The following LRRC49 variants were observed in gnomAD, a reference collection of about 807,000 sequenced individuals.
The protein encoded by LRRC49 is leucine rich repeat containing 49.
A neutral mutation model predicts 83.3 loss-of-function variants in LRRC49; 50 were observed. The observed-to-expected ratio is 0.60, with a 90% CI of 0.48 to 0.76. LRRC49 has a LOEUF of 0.76. LRRC49 is among the 30% of genes least tolerant of loss of function. LRRC49 has a pLI of 0.00. For missense variants in LRRC49, 704 were observed against 809.1 expected, an observed-to-expected ratio of 0.87 and a Z score of 1.58; for synonymous variants, 286 against 283.3, an observed-to-expected ratio of 1.01 and a Z score of -0.10.
Position 70,995,280 on chromosome 15 carries a change from A to C in LRRC49, c.1169+11023A>C, listed in dbSNP as rs77392275. On this transcript the variant is annotated intron_variant, in intron 11 of 15. Transcript: ENST00000260382. ...ACTGTAAGTCTAATTAAAGTTGCAA[A>C]TGAGGAGCATATAAAGTAAGAGCAT... Among the ~76,000 whole-genome samples, 198 of 152,348 alleles carry C rather than the reference A, an allele frequency of 1.3e-3. 7 individuals are homozygous for C. In the East Asian group the frequency reaches 0.035, roughly 27 times the overall value.
At chr15:70,865,986 A>G (rs750763870) in intron 1 of LRRC49, among the ~76,000 whole-genome samples, 8 of 152,176 alleles carry the variant, frequency 5.3e-5, no homozygotes, top group Non-Finnish European at 1.0e-4. Flanking sequence ...TGCAATATGC[A>G]TCATATTTTT....
chr15:70,909,879 A>ACACACACACACAC lies in LRRC49; in HGVS notation c.501-1653_501-1652insCACACACACACAC, dbSNP rs765588937. ...ACACACACACACACACACACACACA[A>ACACACACACACAC]AACAAACAAAAAAAGAAAGTTGTAG... On this transcript the variant is annotated intron_variant, in intron 5 of 15. Coordinates refer to ENST00000260382, the MANE Select transcript of LRRC49 (RefSeq NM_017691.5). Among the ~76,000 whole-genome samples, 419 of 76,958 alleles carry ACACACACACACAC rather than the reference A, an allele frequency of 5.4e-3. 1 individual carries two copies. The highest frequency in any genetic ancestry group is 0.025 in the Middle Eastern group (4 of 158). The allele number at this position is 76,958 out of a possible 152,430, so 50.5% of individuals were successfully genotyped here. A position where few individuals can be genotyped will look rare whatever the true frequency, so the allele number is the denominator to read the frequency against.
chr15:70,994,776 CAT>C (rs1224199643), intron 11 of LRRC49, among the ~76,000 whole-genome samples: 1 of 152,120 alleles, frequency 6.6e-6, no homozygotes, highest in East Asian at 1.9e-4. Flanking sequence ...TGCCCAGCCT[CAT>C]GTGAACTTTA....
intron 11 of LRRC49, among the ~76,000 whole-genome samples, chr15:70,985,985 C>A (rs1452878906): frequency 1.3e-5 from 2 of 149,904 alleles, no homozygotes; most frequent in Non-Finnish European, 3.0e-5. Flanking sequence ...TTCCATTGAT[C>A]TATATCTCTG....
intron 8 of LRRC49, among the ~76,000 whole-genome samples, chr15:70,940,763 T>G (rs1422737439): frequency 1.3e-5 from 2 of 152,182 alleles, no homozygotes; most frequent in Non-Finnish European, 2.9e-5. Flanking sequence ...TCTTACTGAG[T>G]TAAACAGAGG....
At chr15:70,953,987 T>G (rs912489246) in intron 8 of LRRC49, among the ~76,000 whole-genome samples, 2 of 151,996 alleles carry the variant, frequency 1.3e-5, no homozygotes, top group Admixed American at 1.3e-4. Context: ...CTCCACCTCC[T>G]GGGTTCAAGC....
At chr15:70,954,444 TCTGGTTAGGATCCACTA>T (rs1453595406) in intron 8 of LRRC49, among the ~76,000 whole-genome samples, 2 of 152,142 alleles carry the variant, frequency 1.3e-5, no homozygotes, top group African/African-American at 4.8e-5. Context: ...GCCATTTCAT[TCTGGTTAGGATCCACTA>T]CTGGGGAGCT....
chr15:70,900,713 A>G, intron 3 of LRRC49: 1 of 513,350 alleles, frequency 1.9e-6, no homozygotes, highest in South Asian at 2.0e-5. Context: ...GGGAAAAATT[A>G]TTTGGCATAC....
chr15:70,856,090 GA>G (rs1432397520), intron 1 of LRRC49, among the ~76,000 whole-genome samples: 8 of 152,102 alleles, frequency 5.3e-5, no homozygotes, highest in Admixed American at 4.6e-4. Context: ...TATAGTTTAT[GA>G]ACAATTCATA....
chr15:70,910,197 G>A (rs547839833), intron 5 of LRRC49, among the ~76,000 whole-genome samples: 21 of 152,190 alleles, frequency 1.4e-4, no homozygotes, highest in African/African-American at 5.1e-4. Flanking sequence ...GATACATGGT[G>A]GGCATATGAG....
intron 5 of LRRC49, among the ~76,000 whole-genome samples, chr15:70,906,189 C>T (rs553253880): frequency 2.6e-5 from 4 of 151,508 alleles, no homozygotes; most frequent in South Asian, 4.2e-4. Context: ...CTCTGCCTCC[C>T]GGGTTCAAGT....
chr15:70,942,343 A>C (rs777083785), intron 8 of LRRC49, among the ~76,000 whole-genome samples: 4 of 152,188 alleles, frequency 2.6e-5, no homozygotes, highest in Non-Finnish European at 4.4e-5. Flanking sequence ...TCATGATTAC[A>C]TACTGGGTGG....
chr15:71,009,828 A>ATT lies in LRRC49; in HGVS notation c.1429_1430insTT (p.Asn477IlefsTer4). The ATT allele has an allele frequency of 6.2e-7, 1 of 1,611,648 alleles. No individual in the cohort carries two copies. Among genetic ancestry groups the ATT allele is most frequent in the Non-Finnish European group, 8.5e-7 (1 of 1,178,444 alleles). The stretch of plus-strand genomic sequence containing the variant: ...GCAGCACCTTAAATTCAAGGAAACA[A>ATT]ATCTTGTAATGCTGCAGCAATTTAA... On this transcript the variant is annotated frameshift_variant, in exon 13 of 16. Transcript: ENST00000260382. LOFTEE classifies it high-confidence loss of function.
chr15:70,995,408 G>A (rs1349384710), intron 11 of LRRC49, among the ~76,000 whole-genome samples: 1 of 151,396 alleles, frequency 6.6e-6, no homozygotes, highest in Non-Finnish European at 1.5e-5. Flanking sequence ...TAAGCAATAT[G>A]GAAGCCATTG....
chr15:70,880,218 A>G (rs901127173), intron 2 of LRRC49, among the ~76,000 whole-genome samples: 1 of 152,100 alleles, frequency 6.6e-6, no homozygotes. Flanking sequence ...TGATTACCCT[A>G]TCTAAAACAG....
At chr15:70,859,539 C>A (rs1300113429) in intron 1 of LRRC49, 9 of 671,472 alleles carry the variant, frequency 1.3e-5, no homozygotes, top group Admixed American at 1.1e-4. Context: ...CGCAGCCAGG[C>A]GGAGGCTGAG....
chr15:71,046,747 T>C (rs761955480), intron 15 of LRRC49, among the ~76,000 whole-genome samples: 3 of 152,222 alleles, frequency 2.0e-5, no homozygotes, highest in Non-Finnish European at 4.4e-5. Context: ...CAATTGCTTT[T>C]GGGGACTTAG....
chr15:70,865,251 G>A (rs551357612), intron 1 of LRRC49, among the ~76,000 whole-genome samples: 1 of 152,176 alleles, frequency 6.6e-6, no homozygotes, highest in East Asian at 1.9e-4. Flanking sequence ...AATACAGAAA[G>A]GTTGAAATAA....
At chr15:70,924,158 A>G (rs1300312572) in intron 7 of LRRC49, among the ~76,000 whole-genome samples, 1 of 151,932 alleles carries the variant, frequency 6.6e-6, no homozygotes, top group Non-Finnish European at 1.5e-5. Flanking sequence ...CAGGAATGTC[A>G]GAGAAAAGAT....
Sources: gnomAD v4.1 joint callset for allele counts (sites outside exome capture counted in the v4.1 genomes callset) on GRCh38, gnomAD v4.1.1 for gene constraint, MANE v1.5 for transcripts, NCBI Gene and HGNC (gene_info 2026-07-23, HGNC 2026-07-21) for gene names.